The following EVI5 variants were observed in gnomAD, a reference collection of about 807,000 sequenced individuals.
EVI5 encodes the protein ecotropic viral integration site 5, also known as ecotropic viral integration site 5 protein homolog.
A neutral mutation model predicts 112.0 loss-of-function variants in EVI5; 73 were observed. The ratio of observed to expected loss-of-function variants is 0.65; its 90% CI spans 0.54 to 0.79. The LOEUF is 0.79. Among genes scored for constraint, EVI5 ranks in the 30% least tolerant of loss-of-function variants. EVI5 has a pLI of 0.00. For missense variants in EVI5, 900 were observed against 968.8 expected (o/e 0.93, Z 0.94); for synonymous variants, 305 against 319.9 (o/e 0.95, Z 0.50).
intron 10 of EVI5, among the ~76,000 whole-genome samples, chr1:92,668,246 C>T (rs1016543878): frequency 2.0e-5 from 3 of 152,158 alleles, no homozygotes; most frequent in African/African-American, 4.8e-5. Context: ...CTGAAATAGA[C>T]ATTATGATAT....
intron 18 of EVI5, among the ~76,000 whole-genome samples, chr1:92,572,746 C>CA (rs11437527): frequency 0.92 from 140,061 of 152,044 alleles, 64,603 homozygotes; most frequent in East Asian, 0.97. Context: ...GTGATGGGTT[C>CA]GGGGGTGTTC....
At chr1:92,587,363 G>C (rs1672970792) in intron 18 of EVI5, among the ~76,000 whole-genome samples, 2 of 136,516 alleles carry the variant, frequency 1.5e-5, no homozygotes, top group East Asian at 4.3e-4. Context: ...CAAAACGAAA[G>C]CCATAAACGA....
At chr1:92,715,973 G>A (rs755858396) in intron 2 of EVI5, among the ~76,000 whole-genome samples, 71 of 151,986 alleles carry the variant, frequency 4.7e-4, no homozygotes, top group Non-Finnish European at 7.9e-4. Flanking sequence ...CAAACTTGTC[G>A]GAGCCCACCA....
intron 19 of EVI5, among the ~76,000 whole-genome samples, chr1:92,559,627 A>G (rs1243426681): frequency 6.6e-6 from 1 of 151,850 alleles, no homozygotes; most frequent in Non-Finnish European, 1.5e-5. Flanking sequence ...TGCAAAAATT[A>G]GCCAGGCATG....
intron 19 of EVI5, among the ~76,000 whole-genome samples, chr1:92,536,392 C>T (rs923990649): frequency 1.3e-5 from 2 of 152,084 alleles, no homozygotes; most frequent in Non-Finnish European, 2.9e-5. Flanking sequence ...TGTTCATAGT[C>T]TGATGAAAGG....
intron 16 of EVI5, among the ~76,000 whole-genome samples, chr1:92,616,478 G>A (rs987399251): frequency 6.6e-6 from 1 of 152,162 alleles, no homozygotes; most frequent in Non-Finnish European, 1.5e-5. Context: ...AGAATAGTCT[G>A]ACTTGTGTAG....
At chr1:92,710,816 GT>G (rs1158018502) in intron 2 of EVI5, among the ~76,000 whole-genome samples, 1 of 152,194 alleles carries the variant, frequency 6.6e-6, no homozygotes, top group African/African-American at 2.4e-5. Flanking sequence ...GAGTCTAGGA[GT>G]GGTTGCTTCT....
intron 19 of EVI5, among the ~76,000 whole-genome samples, chr1:92,528,341 G>A (rs1267280672): frequency 6.6e-6 from 1 of 152,206 alleles, no homozygotes; most frequent in East Asian, 1.9e-4. Flanking sequence ...ACACTTCAGT[G>A]TGCTTGGGAC....
chr1:92,676,435 A>G (rs987768332), intron 10 of EVI5, among the ~76,000 whole-genome samples: 10 of 151,998 alleles, frequency 6.6e-5, no homozygotes, highest in African/African-American at 2.4e-4. Context: ...GGAGGGGAAT[A>G]AAGAGATTAG....
At chr1:92,561,578 T>C (rs1036450817) in intron 19 of EVI5, among the ~76,000 whole-genome samples, 1 of 150,750 alleles carries the variant, frequency 6.6e-6, no homozygotes, top group African/African-American at 2.4e-5. Flanking sequence ...TATCTATCTA[T>C]CTATCTATCT....
chr1:92,721,924 T>C (rs534167801), intron 2 of EVI5, among the ~76,000 whole-genome samples: 17 of 152,330 alleles, frequency 1.1e-4, no homozygotes, highest in African/African-American at 4.1e-4. Flanking sequence ...TTATCTTTAC[T>C]GGAAACTACT....
At chr1:92,756,413 T>G (rs772990887) in intron 1 of EVI5, 4 of 538,196 alleles carry the variant, frequency 7.4e-6, no homozygotes, top group Non-Finnish European at 1.5e-5. Flanking sequence ...TGCACTTTCT[T>G]CTGTAGCTGC....
chr1:92,634,469 A>G (rs1407116167), intron 14 of EVI5, among the ~76,000 whole-genome samples: 13 of 152,078 alleles, frequency 8.5e-5, no homozygotes, highest in Admixed American at 8.5e-4. Context: ...ACTTGATCGA[A>G]TCGGCTACTG....
At chr1:92,687,927 T>A (rs1668838519) in intron 9 of EVI5, among the ~76,000 whole-genome samples, 1 of 152,136 alleles carries the variant, frequency 6.6e-6, no homozygotes, top group Non-Finnish European at 1.5e-5. Context: ...ACGCTTACAC[T>A]GTTGGTGGGA....
At chr1:92,786,823 T>C (rs1570980622), upstream of EVI5, among the ~76,000 whole-genome samples, 2 of 152,328 alleles carry the variant, frequency 1.3e-5, no homozygotes, top group South Asian at 4.1e-4. Flanking sequence ...TCTCCACCTC[T>C]TCTCACTGCT....
chr1:92,714,639 G>A (rs10874736), intron 2 of EVI5, among the ~76,000 whole-genome samples: 87,717 of 152,002 alleles, frequency 0.58, 27,012 homozygotes, highest in East Asian at 0.92. Flanking sequence ...TCTCAGGCTG[G>A]AGTATAGTAA....
chr1:92,694,412 C>A (rs199498263), intron 7 of EVI5, 24 bp from the exon 8 acceptor site: 2 of 1,350,668 alleles, frequency 1.5e-6, no homozygotes, highest in African/African-American at 2.9e-5. Context: ...TTAAATAAAT[C>A]CAAATTTATG....
intron 18 of EVI5, among the ~76,000 whole-genome samples, chr1:92,571,822 G>GT (rs1211601622): frequency 1.3e-5 from 2 of 152,128 alleles, no homozygotes; most frequent in East Asian, 3.8e-4. Flanking sequence ...TTTTCTTGAG[G>GT]TTTTCTTTTG....
At chr1:92,548,855 A>G (rs1666275325) in intron 19 of EVI5, among the ~76,000 whole-genome samples, 1 of 152,238 alleles carries the variant, frequency 6.6e-6, no homozygotes, top group African/African-American at 2.4e-5. Context: ...GAGGACACAA[A>G]CAAATGGAAG....
Sources: allele counts gnomAD v4.1 joint callset (sites outside exome capture counted in the v4.1 genomes callset), GRCh38; gene constraint gnomAD v4.1.1; transcripts MANE v1.5; gene names NCBI Gene and HGNC (gene_info 2026-07-23, HGNC 2026-07-21).